SHISA6: variants seen among roughly 807,000 people sequenced by gnomAD.
The protein encoded by SHISA6 is shisa family member 6.
In SHISA6, 22 loss-of-function variants were observed where a neutral mutation model predicts 47.9. The observed-to-expected ratio is 0.46, with a 90% CI of 0.33 to 0.66. The LOEUF is 0.66. Ranked by LOEUF, SHISA6 falls within the 30% of genes least tolerant of loss-of-function variation. The pLI is 0.02. For synonymous variants in SHISA6, 388 were observed against 337.8 expected (o/e 1.15, Z -1.63); for missense variants, 680 against 764.6 (o/e 0.89, Z 1.30).
Position 11,453,342 on chromosome 17 carries a change from T to C in SHISA6, c.895+73833T>C, listed in dbSNP as rs137942395. Among the ~76,000 whole-genome samples the C allele has an allele frequency of 6.8e-3, 1,031 of 152,242 alleles. 20 individuals carry two copies. Among genetic ancestry groups the C allele is most frequent in the African/African-American group, 0.024 (1,007 of 41,534 alleles). ...AACAGCAGCTTCGGGAAACCTGAGC[T>C]CTTCTGTCTCCCACCCCTCATCCTG... On this transcript the variant is annotated intron_variant, in intron 3 of 5. Transcript: ENST00000441885.
At position 11,555,880 on chromosome 17, in the gene SHISA6, C is replaced by T; in HGVS notation, c.1093C>T (p.Leu365=). ...VKTNPSKYSS[L]KRLTDKEADE... is the part of the protein sequence containing the mutation. ...GACCAACCCCAGCAAGTATTCATCT[C>T]TGAAGAGGCTAAGTAAGTTGAATTT... Residue 365 remains leucine, a synonymous_variant, in exon 5 of 6, where the codon CTG becomes TTG. Coordinates refer to ENST00000441885, the MANE Select transcript of SHISA6 (RefSeq NM_207386.4). The T allele has an allele frequency of 6.5e-7, 1 of 1,541,058 alleles. No individual in the cohort carries two copies. Among genetic ancestry groups the T allele is most frequent in the South Asian group, 1.2e-5 (1 of 82,426 alleles).
chr17:11,505,627 C>T (rs1179419088), intron 3 of SHISA6, among the ~76,000 whole-genome samples: 2 of 152,198 alleles, frequency 1.3e-5, no homozygotes, highest in Non-Finnish European at 2.9e-5. Context: ...GATTGCAGAG[C>T]AGTGGAATGA....
intron 2 of SHISA6, among the ~76,000 whole-genome samples, chr17:11,378,097 A>G (rs1388567271): frequency 6.6e-6 from 1 of 152,140 alleles, no homozygotes; most frequent in Admixed American, 6.5e-5. Flanking sequence ...GTTGCAATCT[A>G]CTGATCCAGA....
chr17:11,358,876 C>T (rs11869712), intron 2 of SHISA6, among the ~76,000 whole-genome samples: 69,918 of 151,710 alleles, frequency 0.46, 16,273 homozygotes, highest in Middle Eastern at 0.54. Flanking sequence ...CTAGGCTGGT[C>T]TCGAACTCCT....
At chr17:11,247,671 G>A (rs951267043) in intron 1 of SHISA6, among the ~76,000 whole-genome samples, 1 of 151,984 alleles carries the variant, frequency 6.6e-6, no homozygotes, top group African/African-American at 2.4e-5. Context: ...AGTACGTTTT[G>A]TAGTTTCTGT....
chr17:11,404,286 C>T (rs552089794), intron 3 of SHISA6, among the ~76,000 whole-genome samples: 1 of 152,262 alleles, frequency 6.6e-6, no homozygotes, highest in African/African-American at 2.4e-5. Context: ...AGTCTATTGG[C>T]AAGAATCTGA....
intron 2 of SHISA6, among the ~76,000 whole-genome samples, chr17:11,356,445 A>G (rs1457493488): frequency 2.0e-5 from 3 of 152,190 alleles, no homozygotes; most frequent in African/African-American, 7.2e-5. Flanking sequence ...ACAGCAAAAT[A>G]GTTCCCTCTA....
At chr17:11,507,077 G>A (rs1388833954) in intron 3 of SHISA6, among the ~76,000 whole-genome samples, 3 of 152,084 alleles carry the variant, frequency 2.0e-5, no homozygotes, top group Non-Finnish European at 2.9e-5. Flanking sequence ...AAAGTTACTC[G>A]GCCTGTCCTA....
Position 11,241,413 on chromosome 17 carries a change from C to G in SHISA6, c.-10C>G. 8.8e-7 allele frequency: 1 copy of G among 1,135,438 alleles called. No homozygotes were observed. Among genetic ancestry groups the G allele is most frequent in the Non-Finnish European group, 1.1e-6 (1 of 918,652 alleles). 70.3% of individuals were successfully genotyped at this position (1,135,438 alleles called of 1,614,324 possible). A position where few individuals can be genotyped will look rare whatever the true frequency, so the allele number is the denominator to read the frequency against. On this transcript the variant is annotated 5_prime_UTR_variant, in exon 1 of 6. Transcript: ENST00000441885. The surrounding 1 kb of genome is among the most constrained non-coding windows in gnomAD (Gnocchi z 5.5). ...GGAAGCCTCCCCGCGCCCTCCCGCC[C>G]GGCCCCGCCATGGCGCTGCGGCGCC...
intron 2 of SHISA6, among the ~76,000 whole-genome samples, chr17:11,269,327 A>G (rs2142151177): frequency 6.6e-6 from 1 of 152,200 alleles, no homozygotes; most frequent in East Asian, 1.9e-4. Context: ...GGCGTGAACC[A>G]CTGTGCTTGG....
chr17:11,507,385 C>G (rs185547971), intron 3 of SHISA6, among the ~76,000 whole-genome samples: 3 of 152,154 alleles, frequency 2.0e-5, no homozygotes, highest in African/African-American at 7.2e-5. Flanking sequence ...CTCCGCCCTA[C>G]CTGCCTTCTG....
intron 2 of SHISA6, among the ~76,000 whole-genome samples, chr17:11,333,414 C>A (rs749377776): frequency 5.8e-4 from 89 of 152,224 alleles, no homozygotes; most frequent in Non-Finnish European, 2.6e-4. Context: ...CCACCCCCTG[C>A]AGCCTCCAGG....
Position 11,445,633 on chromosome 17 carries a change from G to A in SHISA6, c.895+66124G>A, listed in dbSNP as rs114483991. ...AATGGTTGATCTCCTACTAAGTGTC[G>A]AGCACTATGCTAAGTATTGGTGATG... On this transcript the variant is annotated intron_variant, in intron 3 of 5. Coordinates refer to ENST00000441885, the MANE Select transcript of SHISA6 (RefSeq NM_207386.4). 7.9e-3 allele frequency among the ~76,000 whole-genome samples: 1,204 copies of A among 152,136 alleles called. 20 individuals carry two copies. Among genetic ancestry groups the A allele is most frequent in the African/African-American group, 0.027 (1,127 of 41,494 alleles).
In SHISA6 at chr17:11,511,484, A is replaced by G. The variant is rs73286854; in HGVS notation, c.896-40412A>G. 4.3e-3 allele frequency among the ~76,000 whole-genome samples: 651 copies of G among 152,222 alleles called. 3 individuals carry two copies. Among genetic ancestry groups the G allele is most frequent in the African/African-American group, 0.015 (622 of 41,524 alleles). ...AAATAAATAAACTGAATGAATAAAT[A>G]ACTTTAAGCTTCCCCCCACAAAAAA... On this transcript the variant is annotated intron_variant, in intron 3 of 5. Coordinates refer to ENST00000441885, the MANE Select transcript of SHISA6 (RefSeq NM_207386.4).
At chr17:11,508,204 G>A (rs1223121282) in intron 3 of SHISA6, among the ~76,000 whole-genome samples, 1 of 152,180 alleles carries the variant, frequency 6.6e-6, no homozygotes, top group Non-Finnish European at 1.5e-5. Context: ...TTAGTCATTC[G>A]TGCTGCTGTA....
chr17:11,351,079 G>A (rs1911874252), intron 2 of SHISA6, among the ~76,000 whole-genome samples: 2 of 152,062 alleles, frequency 1.3e-5, no homozygotes, highest in South Asian at 4.2e-4. Context: ...CTCATAAGTG[G>A]GAGTTGAACA....
chr17:11,422,626 G>A (rs1441449115), intron 3 of SHISA6, among the ~76,000 whole-genome samples: 2 of 152,118 alleles, frequency 1.3e-5, no homozygotes, highest in Admixed American at 1.3e-4. Flanking sequence ...GTAGGGCGTG[G>A]TGGTGCACGC....
chr17:11,490,127 C>T (rs1273413658), intron 3 of SHISA6, among the ~76,000 whole-genome samples: 1 of 152,164 alleles, frequency 6.6e-6, no homozygotes, highest in Non-Finnish European at 1.5e-5. Context: ...TTCTTGCCAG[C>T]CTCTCCAGGT....
At chr17:11,476,837 T>C (rs1916063602) in intron 3 of SHISA6, among the ~76,000 whole-genome samples, 1 of 152,164 alleles carries the variant, frequency 6.6e-6, no homozygotes. Context: ...GTTGGATCTG[T>C]CCACTTCTGA....
Sources: allele counts gnomAD v4.1 joint callset (sites outside exome capture counted in the v4.1 genomes callset), GRCh38; gene constraint gnomAD v4.1.1; non-coding constraint Gnocchi (gnomAD v3.1); transcripts MANE v1.5; gene names NCBI Gene and HGNC (gene_info 2026-07-23, HGNC 2026-07-21).